TMEM217B: variants seen among roughly 807,000 people sequenced by gnomAD.
TMEM217B encodes putative transmembrane protein 217B.
At chr6:37,235,999 A>G in the TMEM217B span, among the ~76,000 whole-genome samples, 1 of 152,226 alleles carries the variant, frequency 6.6e-6, no homozygotes, top group Non-Finnish European at 1.5e-5. Flanking sequence ...AGTTTAAAAT[A>G]TTCATACTAG....
chr6:37,256,518 A>G, the TMEM217B span, among the ~76,000 whole-genome samples: 1 of 152,232 alleles, frequency 6.6e-6, no homozygotes, highest in African/African-American at 2.4e-5. Context: ...TAAAGAAGAT[A>G]AGATGCTTTT....
the TMEM217B span, among the ~76,000 whole-genome samples, chr6:37,214,489 A>G: frequency 7.9e-5 from 12 of 152,270 alleles, no homozygotes; most frequent in East Asian, 2.3e-3. Flanking sequence ...GGCCTCCCAA[A>G]GTGCTGGGAT....
the TMEM217B span, among the ~76,000 whole-genome samples, chr6:37,226,039 T>C: frequency 3.9e-5 from 6 of 152,158 alleles, no homozygotes; most frequent in Admixed American, 3.9e-4. Context: ...TTGTACCACA[T>C]TATACTACCT....
the TMEM217B span, chr6:37,212,920 T>A: frequency 6.5e-7 from 1 of 1,549,888 alleles, no homozygotes; most frequent in Non-Finnish European, 8.7e-7. Context: ...CTGGGTGGTA[T>A]TAAGGACAGA....
chr6:37,240,677 GCTATCACATCT>G, the TMEM217B span, among the ~76,000 whole-genome samples: 1 of 152,136 alleles, frequency 6.6e-6, no homozygotes, highest in Non-Finnish European at 1.5e-5. Flanking sequence ...CTTGAGGCCG[GCTATCACATCT>G]CTATGTATGT....
the TMEM217B span, among the ~76,000 whole-genome samples, chr6:37,233,173 G>T: frequency 6.6e-6 from 1 of 151,648 alleles, no homozygotes; most frequent in African/African-American, 2.4e-5. Context: ...TGTTTCTCTG[G>T]TCTTTCTTAT....
chr6:37,223,698 G>A, the TMEM217B span, among the ~76,000 whole-genome samples: 3 of 152,086 alleles, frequency 2.0e-5, no homozygotes, highest in Admixed American at 1.3e-4. Context: ...TAGTAGAGAC[G>A]GGGTTTCACC....
the TMEM217B span, among the ~76,000 whole-genome samples, chr6:37,243,105 C>CA: frequency 3.3e-5 from 5 of 151,302 alleles, no homozygotes; most frequent in South Asian, 2.1e-4. Flanking sequence ...CCTGCCCCTA[C>CA]AAAAAAAAGA....
At chr6:37,234,290 G>C in the TMEM217B span, among the ~76,000 whole-genome samples, 1 of 151,934 alleles carries the variant, frequency 6.6e-6, no homozygotes, top group Non-Finnish European at 1.5e-5. Context: ...AGTCGAGGTG[G>C]GGTTTCTCCA....
chr6:37,215,218 A>G, the TMEM217B span: 1 of 1,614,028 alleles, frequency 6.2e-7, no homozygotes, highest in Non-Finnish European at 8.5e-7. Context: ...TCTATTGTGT[A>G]TCTACAGGTG....
the TMEM217B span, among the ~76,000 whole-genome samples, chr6:37,224,234 C>T: frequency 3.3e-5 from 5 of 150,784 alleles, no homozygotes; most frequent in African/African-American, 4.9e-5. Context: ...CCACCGCGCC[C>T]GGCCTCTGCC....
the TMEM217B span, chr6:37,218,896 G>A: frequency 6.2e-7 from 1 of 1,614,080 alleles, no homozygotes; most frequent in South Asian, 1.1e-5. Flanking sequence ...ACTTTGGTGT[G>A]ATCTCAGTGC....
chr6:37,226,837 A>G, the TMEM217B span, among the ~76,000 whole-genome samples: 1 of 152,106 alleles, frequency 6.6e-6, no homozygotes, highest in Non-Finnish European at 1.5e-5. Flanking sequence ...AAGTGCTGGG[A>G]TTACAGGTGT....
the TMEM217B span, among the ~76,000 whole-genome samples, chr6:37,234,833 G>A: frequency 6.6e-6 from 1 of 152,252 alleles, no homozygotes; most frequent in East Asian, 1.9e-4. Context: ...GTGGTTACCT[G>A]TGAAAAGTAT....
chr6:37,213,899 G>A, the TMEM217B span, among the ~76,000 whole-genome samples: 1 of 152,202 alleles, frequency 6.6e-6, no homozygotes, highest in Non-Finnish European at 1.5e-5. Context: ...TGGGGCAAAG[G>A]AAGGGGCACA....
At chr6:37,221,429 C>T in the TMEM217B span, among the ~76,000 whole-genome samples, 2 of 152,138 alleles carry the variant, frequency 1.3e-5, no homozygotes, top group East Asian at 1.9e-4. Flanking sequence ...TCAGGTGATC[C>T]TCCCACCTCG....
At chr6:37,225,654 C>T in the TMEM217B span, among the ~76,000 whole-genome samples, 3 of 152,196 alleles carry the variant, frequency 2.0e-5, no homozygotes, top group African/African-American at 7.2e-5. Flanking sequence ...ATTTTGGGTT[C>T]CCATTGGTCT....
the TMEM217B span, among the ~76,000 whole-genome samples, chr6:37,217,035 T>C: frequency 2.0e-5 from 3 of 152,220 alleles, no homozygotes; most frequent in South Asian, 6.2e-4. Flanking sequence ...GACTCACACC[T>C]GTACTCCCAG....
At chr6:37,253,998 G>T in the TMEM217B span, among the ~76,000 whole-genome samples, 60 of 152,144 alleles carry the variant, frequency 3.9e-4, no homozygotes, top group Middle Eastern at 3.4e-3. Context: ...ATGAAGTTGA[G>T]GGGGGGAAAG....
Sources: allele counts gnomAD v4.1 joint callset (sites outside exome capture counted in the v4.1 genomes callset), GRCh38; gene constraint gnomAD v4.1.1; transcripts MANE v1.5; gene names NCBI Gene and HGNC (gene_info 2026-07-23, HGNC 2026-07-21).